Variants in ZNF385C observed in about 807,000 individuals in gnomAD.
ZNF385C encodes the protein zinc finger protein 385C.
Under a neutral mutation model 35.4 loss-of-function variants are expected in ZNF385C, and 28 were observed. The observed-to-expected ratio is 0.79, with a 90% CI of 0.59 to 1.08. The LOEUF is 1.08. ZNF385C is among the 50% of genes least tolerant of loss of function. ZNF385C has a pLI of 0.00. For synonymous variants in ZNF385C, 248 were observed against 248.2 expected (o/e 1.00, Z 0.01); for missense variants, 605 against 595.6 (o/e 1.02, Z -0.16).
intron 2 of ZNF385C, among the ~76,000 whole-genome samples, chr17:42,044,670 A>G (rs1227099215): frequency 6.6e-6 from 1 of 152,018 alleles, no homozygotes; most frequent in African/African-American, 2.4e-5. Context: ...TCTTTCCAAG[A>G]CACAGGAAGA....
rs118088631 is a variant in ZNF385C, at chr17:42,026,934, C to T, written c.1475G>A (p.Arg492His). 5,577 of 1,606,764 alleles carry T rather than the reference C, an allele frequency of 3.5e-3. 19 individuals carry two copies. Among genetic ancestry groups the T allele is most frequent in the Non-Finnish European group, 4.3e-3 (5,065 of 1,176,470 alleles). The change falls in exon 9 of 9, where the codon CGC (arginine) becomes CAC (histidine). Residue 492 changes from arginine to histidine, a missense_variant. Physicochemically the swap from Arg to His is conservative, Grantham distance 29. Transcript: ENST00000692273. ...AAGGACGATAGGTCCTGTGGCAGGGCGGACAGCTCCTGCTGGGGTGCGAAA... is the reference window on the plus strand; with the variant it reads ...AAGGACGATAGGTCCTGTGGCAGGGTGGACAGCTCCTGCTGGGGTGCGAAA... ...ALFRTPAGAV[R>H]PATGPIVLAP...
intron 1 of ZNF385C, among the ~76,000 whole-genome samples, chr17:42,096,975 T>TAAA (rs58377119): frequency 3.4e-5 from 3 of 89,198 alleles, no homozygotes; most frequent in African/African-American, 7.6e-5. Context: ...CAAGCTTAGC[T>TAAA]AAAAAAAAAA....
chr17:42,028,704 A>G, intron 6 of ZNF385C, 79 bp downstream of exon 6: 1 of 1,477,036 alleles, frequency 6.8e-7, no homozygotes, highest in Non-Finnish European at 9.1e-7. Context: ...GCACCCAGGA[A>G]CTCAAGCCTG....
chr17:42,090,648 A>G lies in ZNF385C; in HGVS notation c.-3+7762T>C, dbSNP rs1327946019. Among the ~76,000 whole-genome samples the G allele has an allele frequency of 2.0e-5, 3 of 151,724 alleles. No individual in the cohort carries two copies. In the East Asian group the frequency reaches 6.0e-4, roughly 30 times the overall value. ...GGTGGCTCACGCCTGTAATCCCAGC[A>G]CTTTGGGAAGCAGAGGCGGGCGGAT... is the stretch of plus-strand genomic sequence containing the variant. On this transcript the variant is annotated intron_variant, in intron 1 of 8. Transcript: ENST00000692273.
intron 1 of ZNF385C, among the ~76,000 whole-genome samples, chr17:42,063,602 A>T (rs1335973611): frequency 6.6e-6 from 1 of 152,180 alleles, no homozygotes; most frequent in Non-Finnish European, 1.5e-5. Context: ...GGTGTCCGAC[A>T]TGTCTACACA....
At chr17:42,051,582 C>G (rs1555657110) in intron 2 of ZNF385C, among the ~76,000 whole-genome samples, 1 of 152,062 alleles carries the variant, frequency 6.6e-6, no homozygotes, top group East Asian at 1.9e-4. Flanking sequence ...GGTCTGAAGA[C>G]CAAATGAGGT....
chr17:42,078,409 GA>G (rs1227220447), intron 1 of ZNF385C, among the ~76,000 whole-genome samples: 538 of 142,178 alleles, frequency 3.8e-3, no homozygotes, highest in African/African-American at 0.012. Flanking sequence ...TTTCCATTAA[GA>G]AAAAAAAAAA....
rs370180261 is a variant in ZNF385C, at chr17:42,027,721, C to T, written c.1172G>A (p.Ser391Asn). The change falls in exon 8 of 9, where the codon AGC (serine) becomes AAC (asparagine). Residue 391 changes from serine (S) to asparagine (N), a missense_variant. Transcript: ENST00000692273. ...NSETQLKQHM[S>N]SRRHKDRLAG... ...CAGGCGGTCTTTGTGCCTCCTGCTG[C>T]TCATGTGCTAATGGACAGACAGACA... is the stretch of plus-strand genomic sequence containing the variant. 1.4e-5 allele frequency: 22 copies of T among 1,612,410 alleles called. No homozygotes were observed. The highest frequency in any genetic ancestry group is 1.8e-5 in the Non-Finnish European group (21 of 1,179,478).
At chr17:42,032,553 G>C (rs985309948) in intron 4 of ZNF385C, among the ~76,000 whole-genome samples, 1 of 152,168 alleles carries the variant, frequency 6.6e-6, no homozygotes, top group Non-Finnish European at 1.5e-5. Flanking sequence ...GGAGAAAGCA[G>C]AGCAATCCCC....
At chr17:42,077,216 T>C (rs1297959558) in intron 1 of ZNF385C, among the ~76,000 whole-genome samples, 1 of 152,216 alleles carries the variant, frequency 6.6e-6, no homozygotes, top group Non-Finnish European at 1.5e-5. Context: ...TGTGTGAGTT[T>C]AGGCAAGTTA....
intron 2 of ZNF385C, chr17:42,042,821 G>A: frequency 1.6e-6 from 2 of 1,232,196 alleles, no homozygotes; most frequent in Non-Finnish European, 2.0e-6. Context: ...CCATACTTCT[G>A]GCTGTCACCC....
chr17:42,055,459 C>G (rs559136461), intron 2 of ZNF385C, among the ~76,000 whole-genome samples: 1 of 152,040 alleles, frequency 6.6e-6, no homozygotes, highest in African/African-American at 2.4e-5. Flanking sequence ...TGATGACATT[C>G]GGGAAGAGCG....
chr17:42,066,805 A>T (rs1172749350), intron 1 of ZNF385C, among the ~76,000 whole-genome samples: 1 of 152,150 alleles, frequency 6.6e-6, no homozygotes, highest in Admixed American at 6.5e-5. Flanking sequence ...GCAGTGGCTC[A>T]CGCCTGTAAT....
chr17:42,056,949 C>A (rs1555657578), intron 2 of ZNF385C, among the ~76,000 whole-genome samples: 2 of 152,050 alleles, frequency 1.3e-5, no homozygotes, highest in Non-Finnish European at 1.5e-5. Flanking sequence ...GACTAATACA[C>A]CCTATCTCTA....
intron 2 of ZNF385C, chr17:42,042,837 C>T: frequency 1.6e-6 from 2 of 1,232,348 alleles, no homozygotes; most frequent in Non-Finnish European, 2.0e-6. Context: ...CACCCACCTG[C>T]ATGTCCCTCA....
intron 2 of ZNF385C, chr17:42,040,281 G>C (rs1480653284): frequency 1.6e-6 from 2 of 1,231,668 alleles, no homozygotes; most frequent in Non-Finnish European, 2.0e-6. Context: ...CCAAGCCCCG[G>C]ACCGCAGCCT....
At chr17:42,078,834 C>T (rs1190324228) in intron 1 of ZNF385C, among the ~76,000 whole-genome samples, 1 of 151,904 alleles carries the variant, frequency 6.6e-6, no homozygotes, top group Non-Finnish European at 1.5e-5. Context: ...TGTGTGTCTG[C>T]GGGTGTAATT....
At chr17:42,038,062 C>T (rs1236535734) in intron 2 of ZNF385C, 177 bp from the exon 3 acceptor site, 38 of 1,535,412 alleles carry the variant, frequency 2.5e-5, no homozygotes, top group Non-Finnish European at 3.2e-5. Context: ...CCCTTCCTCC[C>T]CACAGCTGGG....
At chr17:42,086,265 C>T (rs192798858) in intron 1 of ZNF385C, among the ~76,000 whole-genome samples, 65 of 151,646 alleles carry the variant, frequency 4.3e-4, no homozygotes, top group African/African-American at 1.6e-3. Flanking sequence ...GGTGGCACAC[C>T]CCTGTAAGCC....
Sources: gnomAD v4.1 joint callset for allele counts (sites outside exome capture counted in the v4.1 genomes callset) on GRCh38, gnomAD v4.1.1 for gene constraint, MANE v1.5 for transcripts, NCBI Gene and HGNC (gene_info 2026-07-23, HGNC 2026-07-21) for gene names.